PTPRK: variants seen among roughly 807,000 people sequenced by gnomAD.
PTPRK encodes protein tyrosine phosphatase receptor type K.
PTPRK carries 75 observed loss-of-function variants against 178.0 expected under a neutral mutation model. The ratio of observed to expected loss-of-function variants is 0.42; its 90% CI spans 0.35 to 0.51. PTPRK has a LOEUF of 0.51. Among genes scored for constraint, PTPRK ranks in the 20% least tolerant of loss-of-function variants. The probability of loss-of-function intolerance (pLI) is 0.02; values close to 1 mark genes in which losing one functional copy is unlikely to be tolerated. For synonymous variants in PTPRK, 637 were observed against 620.6 expected, an observed-to-expected ratio of 1.03 and a Z score of -0.39; for missense variants, 1,441 against 1,797.8, an observed-to-expected ratio of 0.80 and a Z score of 3.59.
intron 6 of PTPRK, among the ~76,000 whole-genome samples, chr6:128,188,688 T>G (rs1803187301): frequency 6.6e-6 from 1 of 152,188 alleles, no homozygotes; most frequent in South Asian, 2.1e-4. Context: ...GCCAGAAATC[T>G]GAAATCAGTA....
At chr6:128,441,108 A>T (rs1415552505) in intron 1 of PTPRK, among the ~76,000 whole-genome samples, 2 of 152,178 alleles carry the variant, frequency 1.3e-5, no homozygotes, top group African/African-American at 4.8e-5. Context: ...GGTGAAAAAA[A>T]TGACAATTCT....
intron 29 of PTPRK, 85 bp downstream of exon 29, chr6:127,972,937 T>C: frequency 7.4e-7 from 1 of 1,357,002 alleles, no homozygotes; most frequent in Non-Finnish European, 1.0e-6. Context: ...TGATTCCCTA[T>C]GTGTGTATGA....
At chr6:128,481,680 G>A (rs1852100277) in intron 1 of PTPRK, among the ~76,000 whole-genome samples, 1 of 151,858 alleles carries the variant, frequency 6.6e-6, no homozygotes, top group Non-Finnish European at 1.5e-5. Context: ...TTCCTCAGTT[G>A]CCTTGGAGAT....
At chr6:128,414,118 T>C (rs1379423996) in intron 1 of PTPRK, among the ~76,000 whole-genome samples, 1 of 152,140 alleles carries the variant, frequency 6.6e-6, no homozygotes, top group Non-Finnish European at 1.5e-5. Context: ...CACAATCCTA[T>C]TCATCCTAAA....
chr6:128,194,939 A>G (rs936581988), intron 6 of PTPRK, among the ~76,000 whole-genome samples: 5 of 152,172 alleles, frequency 3.3e-5, no homozygotes, highest in African/African-American at 1.2e-4. Context: ...AGTAAACAAG[A>G]TATCAATTTT....
intron 14 of PTPRK, among the ~76,000 whole-genome samples, 157 bp downstream of exon 14, chr6:128,008,973 A>G (rs1489014973): frequency 2.0e-5 from 3 of 151,222 alleles, no homozygotes; most frequent in Non-Finnish European, 3.0e-5. Flanking sequence ...AATTTATTAG[A>G]AAGCATGTCC....
chr6:128,030,522 C>G lies in PTPRK; in HGVS notation c.2195-21254G>C, dbSNP rs1046499848. Among the ~76,000 whole-genome samples, 4 of 152,274 alleles carry G rather than the reference C, an allele frequency of 2.6e-5. No individual in the cohort carries two copies. In the South Asian group the frequency reaches 8.3e-4, roughly 32 times the overall value. ...AACCTGACTCTTCCCTTAGCTGTGT[C>G]CTGTAAGATATGGATATTTCTTAGT... On this transcript the variant is annotated intron_variant, in intron 13 of 29. Transcript: ENST00000368226.
chr6:128,215,959 G>A (rs1413644836), intron 6 of PTPRK, among the ~76,000 whole-genome samples: 1 of 152,068 alleles, frequency 6.6e-6, no homozygotes, highest in African/African-American at 2.4e-5. Flanking sequence ...CCGAGAGTAT[G>A]TTTTTGGTTA....
At chr6:128,159,675 T>A (rs947840202) in intron 7 of PTPRK, among the ~76,000 whole-genome samples, 3 of 149,392 alleles carry the variant, frequency 2.0e-5, no homozygotes, top group African/African-American at 2.4e-5. Flanking sequence ...CTCTTGTATT[T>A]AAAAAAAAAA....
chr6:128,119,111 C>T (rs1562617856), intron 7 of PTPRK, among the ~76,000 whole-genome samples: 1 of 152,060 alleles, frequency 6.6e-6, no homozygotes, highest in East Asian at 1.9e-4. Context: ...GGCTAAATAA[C>T]ATATAATCTA....
At chr6:128,455,326 CA>C (rs1379154808) in intron 1 of PTPRK, among the ~76,000 whole-genome samples, 1 of 152,076 alleles carries the variant, frequency 6.6e-6, no homozygotes, top group East Asian at 1.9e-4. Flanking sequence ...TCATTAAATA[CA>C]CTCATTTTCT....
chr6:128,161,562 T>C (rs983051610), intron 7 of PTPRK, among the ~76,000 whole-genome samples: 1 of 151,630 alleles, frequency 6.6e-6, no homozygotes, highest in Admixed American at 6.6e-5. Context: ...TGCAAGCCAA[T>C]TGCTTCTATT....
chr6:128,216,484 G>A lies in PTPRK; in HGVS notation c.868+2438C>T, dbSNP rs138448276. ...CAGGAGGCAGAGGGGGCAGTAAGCCGAGATCCTGCCACTGCATTCCAACCT... is the reference window on the plus strand; with the variant it reads ...CAGGAGGCAGAGGGGGCAGTAAGCCAAGATCCTGCCACTGCATTCCAACCT... On this transcript the variant is annotated intron_variant, in intron 6 of 29. Transcript: ENST00000368226. Among the ~76,000 whole-genome samples, 744 of 150,794 alleles carry A rather than the reference G, an allele frequency of 4.9e-3. 4 individuals carry two copies. Among genetic ancestry groups the A allele is most frequent in the African/African-American group, 0.017 (712 of 40,934 alleles).
chr6:128,125,602 CTTTTTTTTTTTTT>C (rs869038931), intron 7 of PTPRK, among the ~76,000 whole-genome samples: 18 of 68,380 alleles, frequency 2.6e-4, no homozygotes, highest in Admixed American at 1.0e-3. Flanking sequence ...TTGGGCTTTT[CTTTTTTTTTTTTT>C]TTTTTTTTTT....
chr6:128,466,656 A>G (rs1308897971), intron 1 of PTPRK, among the ~76,000 whole-genome samples: 1 of 152,182 alleles, frequency 6.6e-6, no homozygotes, highest in Non-Finnish European at 1.5e-5. Context: ...AGAAAAACGG[A>G]TTTTATGAGT....
At chr6:128,421,051 T>TA (rs1230433833) in intron 1 of PTPRK, among the ~76,000 whole-genome samples, 1 of 152,280 alleles carries the variant, frequency 6.6e-6, no homozygotes, top group African/African-American at 2.4e-5. Context: ...TAGTTGCTTA[T>TA]AAAAAACACA....
chr6:128,244,918 A>T (rs1484905156), intron 3 of PTPRK, among the ~76,000 whole-genome samples: 1 of 152,216 alleles, frequency 6.6e-6, no homozygotes, highest in Admixed American at 6.5e-5. Flanking sequence ...ACTGAAACTA[A>T]TAAGCATCAC....
At chr6:128,299,767 C>A (rs959183716) in intron 3 of PTPRK, among the ~76,000 whole-genome samples, 5 of 152,142 alleles carry the variant, frequency 3.3e-5, no homozygotes, top group African/African-American at 1.2e-4. Context: ...ACCATAAAAA[C>A]CCCAGAAGAA....
intron 2 of PTPRK, among the ~76,000 whole-genome samples, chr6:128,385,147 C>T (rs1351209227): frequency 1.3e-5 from 2 of 150,402 alleles, no homozygotes; most frequent in African/African-American, 4.9e-5. Flanking sequence ...TATTTTTAGG[C>T]ACCTGTCTTA....
Sources: gnomAD v4.1 joint callset for allele counts (sites outside exome capture counted in the v4.1 genomes callset) on GRCh38, gnomAD v4.1.1 for gene constraint, MANE v1.5 for transcripts, NCBI Gene and HGNC (gene_info 2026-07-23, HGNC 2026-07-21) for gene names.